The following WWOX variants were observed in gnomAD, a reference collection of about 807,000 sequenced individuals.
The protein encoded by WWOX is WW domain containing oxidoreductase.
Under a neutral mutation model 46.2 loss-of-function variants are expected in WWOX, and 69 were observed. That is an observed-to-expected ratio of 1.49 (90% confidence interval 1.23 to 1.82). WWOX has a LOEUF of 1.82. WWOX is among the 40% of genes most tolerant of loss of function. The pLI, the probability that WWOX is intolerant of heterozygous loss-of-function variation, is 0.00. For missense variants in WWOX, 919 were observed against 542.6 expected (o/e 1.69, Z -6.89); for synonymous variants, 359 against 202.6 (o/e 1.77, Z -6.56).
At position 78,827,670 on chromosome 16, in the gene WWOX, T is replaced by TA. The variant is rs1441986367; in HGVS notation, c.1057-383933dup. On this transcript the variant is annotated intron_variant, in intron 8 of 8. Transcript: ENST00000566780. ...CAACATGGTGAAACCCCATCTCTAC[T>TA]AAAAATAAAAAAAAAAAAAAATTAG... Among the ~76,000 whole-genome samples the TA allele has an allele frequency of 4.9e-4, 51 of 104,226 alleles. No individual in the cohort carries two copies. In the East Asian group the frequency reaches 9.6e-3, roughly 20 times the overall value. 68.4% of individuals were successfully genotyped at this position (104,226 alleles called of 152,430 possible).
At chr16:78,944,497 A>G (rs1384738917) in intron 8 of WWOX, among the ~76,000 whole-genome samples, 1 of 152,210 alleles carries the variant, frequency 6.6e-6, no homozygotes, top group East Asian at 1.9e-4. Flanking sequence ...GGTCCTCAAG[A>G]TACAACAACA....
intron 5 of WWOX, among the ~76,000 whole-genome samples, chr16:78,249,582 T>A (rs1597400257): frequency 6.6e-6 from 1 of 152,130 alleles, no homozygotes. Context: ...CCTCGGCTGG[T>A]TTCAGCATGC....
chr16:79,014,998 A>C (rs902800107), intron 8 of WWOX, among the ~76,000 whole-genome samples: 3 of 152,298 alleles, frequency 2.0e-5, no homozygotes, highest in East Asian at 1.9e-4. Context: ...CGAGGGATCA[A>C]AGATGGAAAG....
At chr16:78,584,858 G>T (rs570963661) in intron 8 of WWOX, among the ~76,000 whole-genome samples, 4 of 152,312 alleles carry the variant, frequency 2.6e-5, no homozygotes, top group South Asian at 4.1e-4. Context: ...GTGCACGTCG[G>T]TGCGTGTAAG....
intron 8 of WWOX, among the ~76,000 whole-genome samples, chr16:78,964,336 G>A (rs2046326624): frequency 6.6e-6 from 1 of 152,224 alleles, no homozygotes; most frequent in Admixed American, 6.5e-5. Flanking sequence ...CCAGGCTGAG[G>A]TGGTCTCAGA....
At chr16:78,722,668 C>T (rs930037537) in intron 8 of WWOX, among the ~76,000 whole-genome samples, 3 of 147,954 alleles carry the variant, frequency 2.0e-5, no homozygotes, top group African/African-American at 7.5e-5. Context: ...GTAACTGGAG[C>T]ATGATTTAAA....
chr16:78,320,143 A>G (rs941153118), intron 5 of WWOX, among the ~76,000 whole-genome samples: 9 of 152,186 alleles, frequency 5.9e-5, no homozygotes, highest in Non-Finnish European at 1.3e-4. Flanking sequence ...TCTCAGCTTC[A>G]TGTACGTGAC....
At chr16:78,999,689 C>G (rs948364963) in intron 8 of WWOX, among the ~76,000 whole-genome samples, 1 of 152,010 alleles carries the variant, frequency 6.6e-6, no homozygotes. Flanking sequence ...AAATGGAGGC[C>G]TACTTAAGTC....
intron 6 of WWOX, among the ~76,000 whole-genome samples, chr16:78,402,807 A>C (rs1480349603): frequency 1.3e-5 from 2 of 152,208 alleles, no homozygotes; most frequent in Admixed American, 6.5e-5. Context: ...AAATAATTCT[A>C]ACCAATCAGT....
rs751868783 is a variant in WWOX at position 78,478,763 on chromosome 16, A to G, written c.1056+46011A>G. Among the ~76,000 whole-genome samples, 64 of 152,318 alleles carry G rather than the reference A, an allele frequency of 4.2e-4. 1 individual carries two copies. Among genetic ancestry groups the G allele is most frequent in the Admixed American group, 3.1e-3 (47 of 15,298 alleles). On this transcript the variant is annotated intron_variant, in intron 8 of 8. Coordinates refer to ENST00000566780, the MANE Select transcript of WWOX (RefSeq NM_016373.4). Reference sequence around the variant, plus strand: ...GCATACAGTATGTGCTCAGCAATCTAGCAGTTCAAACTAGACAGCTGGTTC... The same window carrying G: ...GCATACAGTATGTGCTCAGCAATCTGGCAGTTCAAACTAGACAGCTGGTTC...
chr16:78,861,917 TA>T (rs1238237224), intron 8 of WWOX, among the ~76,000 whole-genome samples: 8 of 152,216 alleles, frequency 5.3e-5, no homozygotes, highest in Admixed American at 5.2e-4. Flanking sequence ...TTTCTGGTGA[TA>T]AACATTTGAG....
At chr16:78,584,718 T>C (rs555960239) in intron 8 of WWOX, among the ~76,000 whole-genome samples, 8 of 152,334 alleles carry the variant, frequency 5.3e-5, no homozygotes, top group Middle Eastern at 6.8e-3. Flanking sequence ...GCAGTTAGCT[T>C]ACCAGGGGGT....
At chr16:79,011,450 T>C (rs2151376646) in intron 8 of WWOX, among the ~76,000 whole-genome samples, 1 of 146,720 alleles carries the variant, frequency 6.8e-6, no homozygotes, top group South Asian at 2.2e-4. Flanking sequence ...TTCCTTTTTT[T>C]ATTTTTTATT....
At position 78,691,493 on chromosome 16, in the gene WWOX, G is replaced by T. The variant is rs919609416; in HGVS notation, c.1056+258741G>T. Among the ~76,000 whole-genome samples the T allele has an allele frequency of 2.0e-5, 3 of 152,212 alleles. No individual in the cohort carries two copies. The South Asian group carries it at 6.2e-4, about 32-fold the overall frequency. ...AGGCTGAAGTGGGAGGATGGTTAGA[G>T]CCTAGGAGTTCGAGACCAGTCTGGG... On this transcript the variant is annotated intron_variant, in intron 8 of 8. Transcript: ENST00000566780.
intron 4 of WWOX, among the ~76,000 whole-genome samples, chr16:78,131,402 A>G (rs1050606918): frequency 6.6e-6 from 1 of 151,798 alleles, no homozygotes; most frequent in Non-Finnish European, 1.5e-5. Flanking sequence ...TTTAATAGAG[A>G]TGAGGTCTTG....
chr16:78,132,818 A>G (rs904921363), intron 4 of WWOX, among the ~76,000 whole-genome samples: 1 of 152,172 alleles, frequency 6.6e-6, no homozygotes, highest in African/African-American at 2.4e-5. Flanking sequence ...CTGGTTATTA[A>G]TCTGACAATC....
chr16:78,596,201 T>C (rs940040683), intron 8 of WWOX, among the ~76,000 whole-genome samples: 12 of 152,198 alleles, frequency 7.9e-5, no homozygotes, highest in African/African-American at 2.9e-4. Flanking sequence ...CAAAACATGA[T>C]ATCCAAAGTC....
At chr16:78,910,395 C>T (rs958150154) in intron 8 of WWOX, among the ~76,000 whole-genome samples, 1 of 152,034 alleles carries the variant, frequency 6.6e-6, no homozygotes, top group African/African-American at 2.4e-5. Context: ...TAAGCTTTTT[C>T]TGTATCAAGT....
At chr16:78,509,001 G>T (rs567903088) in intron 8 of WWOX, among the ~76,000 whole-genome samples, 35 of 152,378 alleles carry the variant, frequency 2.3e-4, no homozygotes, top group African/African-American at 8.4e-4. Context: ...CCCGTTAAAG[G>T]CGTGCATGTG....
Sources: allele counts gnomAD v4.1 joint callset (sites outside exome capture counted in the v4.1 genomes callset), GRCh38; gene constraint gnomAD v4.1.1; transcripts MANE v1.5; gene names NCBI Gene and HGNC (gene_info 2026-07-23, HGNC 2026-07-21).